Variants in CCSER1 observed in about 807,000 individuals in gnomAD.
CCSER1 encodes the protein serine-rich coiled-coil domain-containing protein 1.
A neutral mutation model predicts 82.0 loss-of-function variants in CCSER1; 41 were observed. The ratio of observed to expected loss-of-function variants is 0.50; its 90% CI spans 0.39 to 0.65. The LOEUF (loss-of-function observed/expected upper bound fraction) is 0.65, where lower values mean the gene tolerates loss of function less well. CCSER1 is among the 30% of genes least tolerant of loss of function. The pLI is 0.00. For synonymous variants in CCSER1, 414 were observed against 383.9 expected, an observed-to-expected ratio of 1.08 and a Z score of -0.92; for missense variants, 1,119 against 1,064.2, an observed-to-expected ratio of 1.05 and a Z score of -0.72.
chr4:91,565,883 C>CT (rs1456682724), intron 10 of CCSER1, among the ~76,000 whole-genome samples: 1 of 151,968 alleles, frequency 6.6e-6, no homozygotes, highest in Admixed American at 6.6e-5. Flanking sequence ...CCCTTTATTC[C>CT]TTTTTCTTGC....
rs1764843933 is a variant in CCSER1, at chr4:91,602,320, T to C, written c.*3263T>C. ...TAGGAAATTCCACATTTTGTTTTGT[T>C]TTCTTTGTCTTGTTTAATAGAGATA... On this transcript the variant is annotated 3_prime_UTR_variant, in exon 11 of 11. Transcript: ENST00000509176. 1.3e-5 allele frequency among the ~76,000 whole-genome samples: 2 copies of C among 152,030 alleles called. No homozygotes were observed. Among genetic ancestry groups the C allele is most frequent in the South Asian group, 4.1e-4 (2 of 4,834 alleles).
chr4:91,144,104 T>C (rs1281795106), intron 10 of CCSER1, among the ~76,000 whole-genome samples: 2 of 151,966 alleles, frequency 1.3e-5, no homozygotes, highest in Non-Finnish European at 2.9e-5. Context: ...TTTTATTCTT[T>C]GGTAGGTATT....
At chr4:90,442,085 G>GT (rs908739808) in intron 4 of CCSER1, among the ~76,000 whole-genome samples, 22 of 151,454 alleles carry the variant, frequency 1.5e-4, no homozygotes, top group East Asian at 1.9e-4. Context: ...AAGAACAGCA[G>GT]TTTTTTTTTA....
intron 10 of CCSER1, among the ~76,000 whole-genome samples, chr4:91,590,559 C>A (rs959280944): frequency 2.0e-5 from 3 of 152,058 alleles, no homozygotes; most frequent in African/African-American, 2.4e-5. Context: ...AAAAGGGCAG[C>A]CTGTTATTTT....
intron 9 of CCSER1, among the ~76,000 whole-genome samples, chr4:90,957,525 A>ATAT (rs1491133846): frequency 1.6e-5 from 2 of 124,404 alleles, no homozygotes; most frequent in Non-Finnish European, 3.2e-5. Flanking sequence ...ACATAATATC[A>ATAT]TATATTATAT....
chr4:91,252,924 A>G (rs1031208382), intron 10 of CCSER1, among the ~76,000 whole-genome samples: 1 of 152,172 alleles, frequency 6.6e-6, no homozygotes, highest in African/African-American at 2.4e-5. Flanking sequence ...CAAATAGTAA[A>G]ATGACATAAA....
intron 10 of CCSER1, among the ~76,000 whole-genome samples, chr4:91,415,589 A>G (rs562362655): frequency 1.3e-5 from 2 of 152,210 alleles, no homozygotes; most frequent in East Asian, 1.9e-4. Flanking sequence ...TGTTCCTTCA[A>G]TACCAGTTTA....
intron 10 of CCSER1, among the ~76,000 whole-genome samples, chr4:91,156,974 C>T (rs1019545045): frequency 7.2e-5 from 11 of 152,022 alleles, no homozygotes; most frequent in Middle Eastern, 3.4e-3. Context: ...CCATGTACGA[C>T]GTTACTGATG....
chr4:90,343,644 A>G (rs927598193), intron 3 of CCSER1, among the ~76,000 whole-genome samples: 4 of 152,082 alleles, frequency 2.6e-5, no homozygotes, highest in Non-Finnish European at 5.9e-5. Context: ...AAACAAAACT[A>G]GACTATATTT....
chr4:90,422,208 C>T (rs1205585681), intron 4 of CCSER1, among the ~76,000 whole-genome samples: 1 of 152,084 alleles, frequency 6.6e-6, no homozygotes, highest in Non-Finnish European at 1.5e-5. Flanking sequence ...TCTCTGAACA[C>T]AACAACACAA....
intron 6 of CCSER1, among the ~76,000 whole-genome samples, chr4:90,719,141 G>C (rs1580131921): frequency 6.6e-6 from 1 of 152,098 alleles, no homozygotes; most frequent in East Asian, 1.9e-4. Context: ...TGTGCTTACA[G>C]CTGCTCCGCA....
At chr4:90,910,036 G>T (rs1375325920) in intron 8 of CCSER1, among the ~76,000 whole-genome samples, 3 of 152,124 alleles carry the variant, frequency 2.0e-5, no homozygotes, top group Non-Finnish European at 2.9e-5. Context: ...GGAGTCCTCA[G>T]GAAACTTATG....
chr4:90,389,540 G>A (rs986619206), intron 3 of CCSER1, among the ~76,000 whole-genome samples: 4 of 152,218 alleles, frequency 2.6e-5, no homozygotes, highest in African/African-American at 9.6e-5. Flanking sequence ...TTATCATTTA[G>A]TGACATCATA....
intron 10 of CCSER1, among the ~76,000 whole-genome samples, chr4:91,512,365 C>G (rs918099838): frequency 6.6e-6 from 1 of 152,124 alleles, no homozygotes; most frequent in African/African-American, 2.4e-5. Flanking sequence ...TGCTTTCTAT[C>G]CTGGGACATC....
chr4:91,126,870 C>G (rs1363160221), intron 10 of CCSER1, among the ~76,000 whole-genome samples: 1 of 151,792 alleles, frequency 6.6e-6, no homozygotes, highest in African/African-American at 2.4e-5. Context: ...AAAAAATAAA[C>G]CTGGGATTGA....
chr4:90,584,083 G>A (rs1212884654), intron 5 of CCSER1, among the ~76,000 whole-genome samples: 1 of 152,094 alleles, frequency 6.6e-6, no homozygotes, highest in Non-Finnish European at 1.5e-5. Context: ...CATACCCTAT[G>A]TAATTCCCTA....
chr4:91,322,630 TAATTA>T (rs1469938000), intron 10 of CCSER1, among the ~76,000 whole-genome samples: 3 of 77,588 alleles, frequency 3.9e-5, no homozygotes, highest in Admixed American at 1.2e-4. Flanking sequence ...TACATTATAT[TAATTA>T]AATTAAGGGG....
chr4:91,006,236 G>C (rs1738492263), intron 9 of CCSER1, among the ~76,000 whole-genome samples: 1 of 150,954 alleles, frequency 6.6e-6, no homozygotes, highest in Non-Finnish European at 1.5e-5. Context: ...CACCTTCTTG[G>C]TTAAATTTAT....
At chr4:91,499,959 A>T (rs116238744) in intron 10 of CCSER1, among the ~76,000 whole-genome samples, 66 of 152,212 alleles carry the variant, frequency 4.3e-4, no homozygotes, top group Non-Finnish European at 8.5e-4. Context: ...TTCTGAGTGC[A>T]TATATATTTC....
Sources: allele counts gnomAD v4.1 joint callset (sites outside exome capture counted in the v4.1 genomes callset), GRCh38; gene constraint gnomAD v4.1.1; transcripts MANE v1.5; gene names NCBI Gene and HGNC (gene_info 2026-07-23, HGNC 2026-07-21).